ALG1L2: variants seen among roughly 807,000 people sequenced by gnomAD.
ALG1L2 encodes the protein putative glycosyltransferase ALG1L2.
ALG1L2 carries 32 observed loss-of-function variants against 29.0 expected under a neutral mutation model. That is an observed-to-expected ratio of 1.10 (90% confidence interval 0.83 to 1.48). The LOEUF is 1.48. Ranked by LOEUF, ALG1L2 falls within the 40% of genes most tolerant of loss-of-function variation. The probability of loss-of-function intolerance (pLI) is 0.00; values close to 1 mark genes in which losing one functional copy is unlikely to be tolerated. For missense variants in ALG1L2, 318 were observed against 274.1 expected, an observed-to-expected ratio of 1.16 and a Z score of -1.13; for synonymous variants, 110 against 109.5, an observed-to-expected ratio of 1.00 and a Z score of -0.03.
rs1439130515 is a variant in ALG1L2, at chr3:130,085,101, G to T, written c.20+3065G>T. 7.8e-5 allele frequency among the ~76,000 whole-genome samples: 10 copies of T among 127,904 alleles called. 3 individuals carry two copies. The highest frequency in any genetic ancestry group is 1.4e-4 in the Non-Finnish European group (8 of 55,582). The allele number at this position is 127,904 out of a possible 152,430, so 83.9% of individuals were successfully genotyped here. On this transcript the variant is annotated intron_variant, in intron 1 of 7. Transcript: ENST00000425059. ...AGCCTCCCGAGTAGCTGGGATTACAGGTGCCCACCACTGTGCCCAACTAAT... is the reference window on the plus strand; with the variant it reads ...AGCCTCCCGAGTAGCTGGGATTACATGTGCCCACCACTGTGCCCAACTAAT...
intron 7 of ALG1L2, 86 bp downstream of exon 7, chr3:130,097,336 C>A: frequency 6.4e-7 from 1 of 1,559,056 alleles, no homozygotes; most frequent in Non-Finnish European, 8.6e-7. Context: ...TTTCACACAG[C>A]CAGGGTGGGA....
intron 1 of ALG1L2, chr3:130,090,928 C>T (rs1403229096): frequency 3.3e-6 from 1 of 307,340 alleles, no homozygotes; most frequent in Non-Finnish European, 6.3e-6. Context: ...CAGACTAAGA[C>T]ATTCCTCCAC....
chr3:130,084,976 T>TTTATTTATTTATTTATTTATTTATTTA (rs1181775147), intron 1 of ALG1L2, among the ~76,000 whole-genome samples: 1 of 75,674 alleles, frequency 1.3e-5, no homozygotes, highest in African/African-American at 4.3e-5. Flanking sequence ...TTATTTATTT[T>TTTATTTATTTATTTATTTATTTATTTA]GAGACAGAAT....
chr3:130,095,358 A>G (rs1935106807), intron 5 of ALG1L2, among the ~76,000 whole-genome samples: 1 of 150,964 alleles, frequency 6.6e-6, no homozygotes. Context: ...ATGTTTAGCT[A>G]TTTGGCTTTA....
intron 5 of ALG1L2, 24 bp from the exon 6 acceptor site, chr3:130,096,025 G>C: frequency 6.3e-7 from 1 of 1,597,156 alleles, no homozygotes; most frequent in Non-Finnish European, 8.5e-7. Context: ...CCAGCGCTCT[G>C]GCCACACCCC....
At position 130,084,561 on chromosome 3, in the gene ALG1L2, C is replaced by T. The variant is rs1404769378; in HGVS notation, c.20+2525C>T. ...ATAACAGCAGCACTTATGGGCGGGG[C>T]GGTAGTGGTGAAGATTAAATGAAGA... On this transcript the variant is annotated intron_variant, in intron 1 of 7. Coordinates refer to ENST00000425059, the MANE Select transcript of ALG1L2 (RefSeq NM_001136152.1). 8.4e-5 allele frequency among the ~76,000 whole-genome samples: 11 copies of T among 131,042 alleles called. 1 individual carries two copies. The East Asian group carries it at 1.5e-3, about 17-fold the overall frequency. 86.0% of individuals were successfully genotyped at this position (131,042 alleles called of 152,430 possible).
Position 130,087,695 on chromosome 3 carries a change from G to A in ALG1L2, c.21-3566G>A, listed in dbSNP as rs142977736. ...GGGGAATCTCAGCGAAGGGTATAAA[G>A]GATGTCTTTGTACTATTTTTGCAAC... On this transcript the variant is annotated intron_variant, in intron 1 of 7. Transcript: ENST00000425059. Among the ~76,000 whole-genome samples, 15 of 130,442 alleles carry A rather than the reference G, an allele frequency of 1.1e-4. 1 individual carries two copies. Among genetic ancestry groups the A allele is most frequent in the African/African-American group, 3.1e-4 (12 of 38,880 alleles). The allele number at this position is 130,442 out of a possible 152,430, so 85.6% of individuals were successfully genotyped here.
At chr3:130,096,788 G>A (rs976515121) in intron 6 of ALG1L2, among the ~76,000 whole-genome samples, 25 of 152,228 alleles carry the variant, frequency 1.6e-4, no homozygotes, top group African/African-American at 6.0e-4. Flanking sequence ...CTGAGGGAAT[G>A]TCGGGATCAA....
intron 3 of ALG1L2, 48 bp downstream of exon 3, chr3:130,092,270 G>C (rs113511154): frequency 3.1e-6 from 5 of 1,590,980 alleles, no homozygotes; most frequent in Non-Finnish European, 4.3e-6. Flanking sequence ...AGGGCACCTG[G>C]CCAACCTGTA....
intron 1 of ALG1L2, among the ~76,000 whole-genome samples, chr3:130,085,731 A>G (rs1934875839): frequency 6.6e-6 from 1 of 151,494 alleles, no homozygotes; most frequent in Admixed American, 6.6e-5. Flanking sequence ...GCTCTGTGAA[A>G]TGTTCACCTT....
chr3:130,096,220 G>C (rs190521934), intron 6 of ALG1L2, 57 bp downstream of exon 6: 98 of 1,581,944 alleles, frequency 6.2e-5, no homozygotes, highest in Non-Finnish European at 7.6e-5. Flanking sequence ...ACCGCTGAGG[G>C]GGAAGCAGTG....
intron 3 of ALG1L2, 134 bp downstream of exon 3, chr3:130,092,356 G>C: frequency 6.3e-7 from 1 of 1,599,316 alleles, no homozygotes; most frequent in Non-Finnish European, 8.5e-7. Context: ...CGTGTGAGCT[G>C]GAAGAGTGGT....
intron 1 of ALG1L2, chr3:130,089,578 G>A (rs1235707760): frequency 1.3e-5 from 2 of 152,216 alleles, no homozygotes; most frequent in Admixed American, 6.5e-5. Context: ...GAATATATTG[G>A]TTAAAGTTTA....
At position 130,096,087 on chromosome 3, in the gene ALG1L2, A is replaced by G. The variant is rs1224709600; in HGVS notation, c.463A>G (p.Ser155Gly). The change falls in exon 6 of 8, where the codon AGT (serine) becomes GGT (glycine). Residue 155 changes from serine (S) to glycine (G), a missense_variant. Coordinates refer to ENST00000425059, the MANE Select transcript of ALG1L2 (RefSeq NM_001136152.1). The stretch of plus-strand genomic sequence containing the variant: ...GGATGTCTGTCTGGACACGTCCTCC[A>G]GTGGCCTGGACCTGCCCATGAAGGT... ...DLDVCLDTSSSGLDLPMKVVD... is the reference protein window; with the variant it reads ...DLDVCLDTSSGGLDLPMKVVD... 6.5e-7 allele frequency: 1 copy of G among 1,546,904 alleles called. No homozygotes were observed. The highest frequency in any genetic ancestry group is 8.7e-7 in the Non-Finnish European group (1 of 1,143,504).
chr3:130,094,272 G>A (rs1935082481), intron 4 of ALG1L2, 131 bp from the exon 5 acceptor site: 1 of 1,190,344 alleles, frequency 8.4e-7, no homozygotes, highest in Admixed American at 1.9e-5. Flanking sequence ...CCCAGATAGG[G>A]CCTGACTGCA....
intron 5 of ALG1L2, among the ~76,000 whole-genome samples, chr3:130,094,918 C>T (rs1178063619): frequency 2.0e-5 from 3 of 152,188 alleles, no homozygotes; most frequent in Non-Finnish European, 2.9e-5. Flanking sequence ...GTCTCTTTCC[C>T]CATTGATTTC....
At chr3:130,091,083 T>C (rs1215579110) in intron 1 of ALG1L2, 178 bp from the exon 2 acceptor site, 14 of 620,888 alleles carry the variant, frequency 2.3e-5, no homozygotes, top group Non-Finnish European at 3.9e-5. Context: ...AAAAAGCCCC[T>C]TTCATTCGGT....
intron 1 of ALG1L2, among the ~76,000 whole-genome samples, chr3:130,090,016 T>G (rs1934981788): frequency 6.6e-6 from 1 of 152,304 alleles, no homozygotes; most frequent in South Asian, 2.1e-4. Flanking sequence ...CACTCCAGCC[T>G]GGGGGACAAA....
rs552592524 is a variant in ALG1L2 at position 130,094,487 on chromosome 3, A to C, written c.398A>C (p.Glu133Ala). 1.4e-5 allele frequency: 22 copies of C among 1,582,802 alleles called. 1 individual carries two copies. In the Admixed American group the frequency reaches 2.9e-4, roughly 21 times the overall value. The change falls in exon 5 of 8, where the codon GAG becomes GCG. Residue 133 changes from glutamate to alanine, a missense_variant. Transcript: ENST00000425059. ...QHIQVCIPWLEGRGLPPLLGS... is the reference protein window; with the variant it reads ...QHIQVCIPWLAGRGLPPLLGS... ...ATCCAGGTCTGCATCCCCTGGCTGGAGGGCCGAGGACTACCCCCGCTTCTA... is the reference window on the plus strand; with the variant it reads ...ATCCAGGTCTGCATCCCCTGGCTGGCGGGCCGAGGACTACCCCCGCTTCTA...
Sources: allele counts gnomAD v4.1 joint callset (sites outside exome capture counted in the v4.1 genomes callset), GRCh38; gene constraint gnomAD v4.1.1; transcripts MANE v1.5; gene names NCBI Gene and HGNC (gene_info 2026-07-23, HGNC 2026-07-21).